SQSTM1: variants seen among roughly 807,000 people sequenced by gnomAD.
SQSTM1 encodes the protein sequestosome-1.
In SQSTM1, 36 loss-of-function variants were observed where a neutral mutation model predicts 45.1. The observed-to-expected ratio is 0.80, with a 90% CI of 0.61 to 1.05. The LOEUF is 1.05. Among genes scored for constraint, SQSTM1 ranks in the 50% least tolerant of loss-of-function variants. The probability of loss-of-function intolerance (pLI) is 0.00; values close to 1 mark genes in which losing one functional copy is unlikely to be tolerated. For missense variants in SQSTM1, 617 were observed against 607.1 expected (o/e 1.02, Z -0.17); for synonymous variants, 290 against 244.3 (o/e 1.19, Z -1.74).
intron 2 of SQSTM1, chr5:179,811,950 G>GC (rs1178280535): frequency 6.6e-6 from 1 of 152,066 alleles, no homozygotes; most frequent in African/African-American, 2.4e-5. Context: ...GACTACAGGC[G>GC]CCCGCCACCA....
chr5:179,811,765 GA>G (rs1757410080), intron 2 of SQSTM1: 2 of 152,170 alleles, frequency 1.3e-5, no homozygotes, highest in Admixed American at 1.3e-4. Flanking sequence ...GAGGGGAGGG[GA>G]AACCGTGACC....
chr5:179,817,302 C>T (rs11742873), upstream of SQSTM1, among the ~76,000 whole-genome samples: 116,587 of 152,164 alleles, frequency 0.77, 45,351 homozygotes, highest in Non-Finnish European at 0.84. Flanking sequence ...TGCTCCGCGT[C>T]GTGCCTTTAG....
Position 179,837,102 on chromosome 5 carries a change from A to T in SQSTM1, c.*509A>T. 1.0e-6 allele frequency: 1 copy of T among 962,828 alleles called. No individual in the cohort carries two copies. 59.6% of individuals were successfully genotyped at this position (962,828 alleles called of 1,614,324 possible). On this transcript the variant is annotated 3_prime_UTR_variant, in exon 8 of 8. Coordinates refer to ENST00000389805, the MANE Select transcript of SQSTM1 (RefSeq NM_003900.5). Reference sequence around the variant, plus strand: ...AGAAGGCTCACGAAGGGCATCCGCAATGTTGGTTTCACTGAGAGCTGCCTC... The same window carrying T: ...AGAAGGCTCACGAAGGGCATCCGCATTGTTGGTTTCACTGAGAGCTGCCTC...
Position 179,806,428 on chromosome 5 carries a change from C to T in SQSTM1, c.-320C>T. Reference sequence around the variant, plus strand: ...CGCCTTCCGCGGCCACCGCCGGGCCCGCTCCCGCCGCCGACGCCCAGGTGC... The same window carrying T: ...CGCCTTCCGCGGCCACCGCCGGGCCTGCTCCCGCCGCCGACGCCCAGGTGC... On this transcript the variant is annotated 5_prime_UTR_variant, in exon 1 of 6. Coordinates refer to the SQSTM1 transcript ENST00000514093. The surrounding 1 kb of genome is among the most constrained non-coding windows in gnomAD (Gnocchi z 4.6). 1 of 1,086,758 alleles carries T rather than the reference C, an allele frequency of 9.2e-7. No homozygotes were observed. The highest frequency in any genetic ancestry group is 1.1e-6 in the Non-Finnish European group (1 of 875,362). 67.3% of individuals were successfully genotyped at this position (1,086,758 alleles called of 1,614,324 possible).
chr5:179,811,210 G>A (rs1197640779), intron 1 of SQSTM1, among the ~76,000 whole-genome samples: 1 of 151,880 alleles, frequency 6.6e-6, no homozygotes, highest in Non-Finnish European at 1.5e-5. Context: ...TCCAGCCTGG[G>A]CGACAGAGCG....
chr5:179,834,320 ACCT>A (rs1758402181), intron 7 of SQSTM1, among the ~76,000 whole-genome samples: 1 of 151,560 alleles, frequency 6.6e-6, no homozygotes, highest in Non-Finnish European at 1.5e-5. Flanking sequence ...CGTGTGCACA[ACCT>A]GCTGTGGGCC....
chr5:179,826,197 C>T (rs1194020550), intron 5 of SQSTM1, among the ~76,000 whole-genome samples: 3 of 150,782 alleles, frequency 2.0e-5, no homozygotes, highest in Non-Finnish European at 4.4e-5. Context: ...TGGAGTCTTG[C>T]TCTGTCACGG....
intron 5 of SQSTM1, among the ~76,000 whole-genome samples, chr5:179,831,882 C>T (rs933752091): frequency 6.6e-6 from 1 of 151,450 alleles, no homozygotes; most frequent in East Asian, 2.0e-4. Flanking sequence ...CTCCCAGGTT[C>T]AAGCGATTCT....
rs1758594556 is a variant in SQSTM1 at position 179,836,971 on chromosome 5, T to A, written c.*378T>A. 2 of 607,486 alleles carry A rather than the reference T, an allele frequency of 3.3e-6. No homozygotes were observed. Among genetic ancestry groups the A allele is most frequent in the Admixed American group, 5.9e-5 (2 of 33,710 alleles). The allele number at this position is 607,486 out of a possible 1,614,324, so 37.6% of individuals were successfully genotyped here. A position where few individuals can be genotyped will look rare whatever the true frequency, so the allele number is the denominator to read the frequency against. On this transcript the variant is annotated 3_prime_UTR_variant, in exon 8 of 8. Coordinates refer to ENST00000389805, the MANE Select transcript of SQSTM1 (RefSeq NM_003900.5). Reference sequence around the variant, plus strand: ...TAGGTCCCTGACATTTAGTTGATTATTTTCTGCTACAGACCTGGTACACTC... The same window carrying A: ...TAGGTCCCTGACATTTAGTTGATTAATTTCTGCTACAGACCTGGTACACTC...
chr5:179,831,011 A>G (rs1176974417), intron 5 of SQSTM1, among the ~76,000 whole-genome samples: 2 of 152,242 alleles, frequency 1.3e-5, no homozygotes, highest in Admixed American at 6.5e-5. Flanking sequence ...CCAGCCTAGA[A>G]TTCTATACCC....
chr5:179,834,617 T>C (rs1349794979), intron 7 of SQSTM1, among the ~76,000 whole-genome samples: 7 of 151,826 alleles, frequency 4.6e-5, no homozygotes, highest in African/African-American at 7.3e-5. Flanking sequence ...TGATGACTCT[T>C]AAGGAGCATG....
At chr5:179,822,190 G>A (rs984736242) in intron 1 of SQSTM1, among the ~76,000 whole-genome samples, 8 of 152,216 alleles carry the variant, frequency 5.3e-5, no homozygotes, top group Admixed American at 1.3e-4. Flanking sequence ...AATAGAATCA[G>A]ACAATGTAGT....
rs764971145 is a variant in SQSTM1, at chr5:179,837,395, A to ACAT, written c.*810_*812dup. ...TAATAACCTGCCAGTCCCAGATCACACATCATCATCGAAGTCTTCCCCAGT... is the reference window on the plus strand; with the variant it reads ...TAATAACCTGCCAGTCCCAGATCACACATCATCATCATCGAAGTCTTCCCCAGT... On this transcript the variant is annotated 3_prime_UTR_variant, in exon 8 of 8. Coordinates refer to ENST00000389805, the MANE Select transcript of SQSTM1 (RefSeq NM_003900.5). The ACAT allele has an allele frequency of 8.2e-6, 13 of 1,589,640 alleles. No homozygotes were observed. Among genetic ancestry groups the ACAT allele is most frequent in the Admixed American group, 1.7e-5 (1 of 57,448 alleles).
rs1426902219 is a variant in SQSTM1, at chr5:179,837,283, C to CAGTA, written c.*694_*697dup. ...CGTTTGCATAGAGAGAAATGATTGACAGTAAGTTTATTGTTAATGGTTCTT... is the reference window on the plus strand; with the variant it reads ...CGTTTGCATAGAGAGAAATGATTGACAGTAAGTAAGTTTATTGTTAATGGTTCTT... On this transcript the variant is annotated 3_prime_UTR_variant, in exon 8 of 8. Transcript: ENST00000389805. 1.2e-5 allele frequency: 19 copies of CAGTA among 1,607,206 alleles called. No individual in the cohort carries two copies. In the African/African-American group the frequency reaches 2.1e-4, roughly 18 times the overall value.
In SQSTM1 at chr5:179,837,337, G is replaced by GA; in HGVS notation, c.*746dup. On this transcript the variant is annotated 3_prime_UTR_variant, in exon 8 of 8. Transcript: ENST00000389805. ...GAGTATCTTTAAAAGTGCCTTAGGG[G>GA]AACCCTGTCCCTCCTAACAAGTGTA... is the stretch of plus-strand genomic sequence containing the variant. The GA allele has an allele frequency of 6.3e-7, 1 of 1,586,026 alleles. No individual in the cohort carries two copies. The highest frequency in any genetic ancestry group is 8.6e-7 in the Non-Finnish European group (1 of 1,165,978).
rs758090054 is a variant in SQSTM1 at position 179,823,972 on chromosome 5, G to T, written c.416G>T (p.Arg139Leu). 8.7e-6 allele frequency: 14 copies of T among 1,613,892 alleles called. No individual in the cohort carries two copies. Among genetic ancestry groups the T allele is most frequent in the Non-Finnish European group, 1.2e-5 (14 of 1,180,048 alleles). Residue 139 changes from arginine (R) to leucine (L), a missense_variant, in exon 3 of 8, where the codon CGC (arginine) becomes CTC (leucine). Transcript: ENST00000389805. ...TGCAATGGGCCTGTGGTAGGAACCC[G>T]CTACAAGTGCAGCGTCTGCCCAGAC... ...DGCNGPVVGT[R>L]YKCSVCPDYD...
rs368657568 is a variant in SQSTM1, at chr5:179,833,722, C to T, written c.1105C>T (p.Pro369Ser). ...PESEGPSSLD[P>S]SQEGPTGLKE... is the part of the protein sequence containing the mutation. ...ATCCGAAGGGCCAAGCTCTCTGGAC[C>T]CCTCCCAGGAGGGACCCACAGGGCT... is the stretch of plus-strand genomic sequence containing the variant. Residue 369 changes from proline (P) to serine (S), a missense_variant, in exon 7 of 8, where the codon CCC (proline) becomes TCC (serine). Pro to Ser is a moderately conservative substitution (Grantham distance 74). Transcript: ENST00000389805. 1.2e-6 allele frequency: 2 copies of T among 1,614,016 alleles called. No individual in the cohort carries two copies. The highest frequency in any genetic ancestry group is 1.3e-5 in the African/African-American group (1 of 74,896).
At position 179,836,560 on chromosome 5, in the gene SQSTM1, C is replaced by T; in HGVS notation, c.1290C>T (p.Thr430=). The change falls in exon 8 of 8, where the codon ACC becomes ACT. Residue 430 remains threonine (T), a synonymous_variant. Coordinates refer to ENST00000389805, the MANE Select transcript of SQSTM1 (RefSeq NM_003900.5). The part of the protein sequence containing the change: ...KNYDIGAALD[T]IQYSKHPPPL ...ATGACATCGGAGCGGCTCTGGACAC[C>T]ATCCAGTATTCAAAGCATCCCCCGC... 8 of 1,614,130 alleles carry T rather than the reference C, an allele frequency of 5.0e-6. No homozygotes were observed. Among genetic ancestry groups the T allele is most frequent in the Non-Finnish European group, 6.8e-6 (8 of 1,180,022 alleles).
intron 7 of SQSTM1, among the ~76,000 whole-genome samples, chr5:179,834,724 T>C (rs1275825622): frequency 1.3e-5 from 2 of 152,182 alleles, no homozygotes; most frequent in Non-Finnish European, 2.9e-5. Flanking sequence ...GAGCACGGGG[T>C]TGGGGGTAAG....
Sources: gnomAD v4.1 joint callset for allele counts (sites outside exome capture counted in the v4.1 genomes callset) on GRCh38, gnomAD v4.1.1 for gene constraint, Gnocchi (gnomAD v3.1) non-coding constraint, MANE v1.5 for transcripts, NCBI Gene and HGNC (gene_info 2026-07-23, HGNC 2026-07-21) for gene names.